UNC5C: variants seen among roughly 807,000 people sequenced by gnomAD.
The protein encoded by UNC5C is netrin receptor UNC5C.
In UNC5C, 47 loss-of-function variants were observed where a neutral mutation model predicts 99.8. The ratio of observed to expected loss-of-function variants is 0.47; its 90% confidence interval spans 0.37 to 0.60. The LOEUF (loss-of-function observed/expected upper bound fraction) is 0.60, where lower values mean the gene tolerates loss of function less well. Ranked by LOEUF, UNC5C falls within the 20% of genes least tolerant of loss-of-function variation. The probability of loss-of-function intolerance (pLI) is 0.00; values close to 1 mark genes in which losing one functional copy is unlikely to be tolerated. For synonymous variants in UNC5C, 487 were observed against 452.2 expected, an observed-to-expected ratio of 1.08 and a Z score of -0.98; for missense variants, 1,062 against 1,165.9, an observed-to-expected ratio of 0.91 and a Z score of 1.30.
At chr4:95,258,499 CTTG>C (rs1218635077) in intron 4 of UNC5C, among the ~76,000 whole-genome samples, 7 of 152,116 alleles carry the variant, frequency 4.6e-5, no homozygotes, top group African/African-American at 1.7e-4. Flanking sequence ...TAAACCATGA[CTTG>C]TTGTCATGGT....
intron 1 of UNC5C, among the ~76,000 whole-genome samples, chr4:95,352,161 A>T (rs1447182410): frequency 6.6e-6 from 1 of 152,152 alleles, no homozygotes; most frequent in Non-Finnish European, 1.5e-5. Context: ...GCACTGACCA[A>T]GTATGAAATC....
At chr4:95,478,729 T>C (rs915381631) in intron 1 of UNC5C, among the ~76,000 whole-genome samples, 2 of 152,050 alleles carry the variant, frequency 1.3e-5, no homozygotes, top group Non-Finnish European at 2.9e-5. Flanking sequence ...TATAGTTTAT[T>C]TGAACACTGA....
chr4:95,456,216 A>G (rs1747423311), intron 1 of UNC5C, among the ~76,000 whole-genome samples: 1 of 152,166 alleles, frequency 6.6e-6, no homozygotes, highest in Non-Finnish European at 1.5e-5. Flanking sequence ...AGAAAGTAAA[A>G]TAAAAAAATG....
At chr4:95,499,053 T>C (rs973636200) in intron 1 of UNC5C, among the ~76,000 whole-genome samples, 1 of 152,126 alleles carries the variant, frequency 6.6e-6, no homozygotes, top group Non-Finnish European at 1.5e-5. Context: ...ACAGGAGACC[T>C]GATGAAATGC....
intron 1 of UNC5C, among the ~76,000 whole-genome samples, chr4:95,435,199 A>C (rs554152052): frequency 1.6e-4 from 25 of 152,210 alleles, no homozygotes; most frequent in Non-Finnish European, 3.2e-4. Context: ...CTTTCAAGTA[A>C]GGTGTCACTT....
At chr4:95,171,742 G>A (rs370464740) in intron 14 of UNC5C, among the ~76,000 whole-genome samples, 1 of 151,420 alleles carries the variant, frequency 6.6e-6, no homozygotes. Context: ...ATAGTCCTTT[G>A]GGTATATACC....
chr4:95,405,294 C>A (rs186363690), intron 1 of UNC5C, among the ~76,000 whole-genome samples: 2 of 152,174 alleles, frequency 1.3e-5, no homozygotes, highest in Non-Finnish European at 2.9e-5. Flanking sequence ...TCTACATGTG[C>A]CCATCTGCAT....
chr4:95,302,070 T>C (rs1000611313), intron 2 of UNC5C, among the ~76,000 whole-genome samples: 1 of 152,214 alleles, frequency 6.6e-6, no homozygotes, highest in Non-Finnish European at 1.5e-5. Flanking sequence ...AATATAAACT[T>C]GAGTTTCACA....
At chr4:95,191,677 C>T (rs1480766292) in intron 12 of UNC5C, among the ~76,000 whole-genome samples, 2 of 150,916 alleles carry the variant, frequency 1.3e-5, no homozygotes, top group East Asian at 3.9e-4. Flanking sequence ...TCTGTTCACT[C>T]TCCTCCCCAA....
intron 3 of UNC5C, among the ~76,000 whole-genome samples, chr4:95,281,177 C>T (rs1245037027): frequency 6.6e-6 from 1 of 152,146 alleles, no homozygotes; most frequent in Non-Finnish European, 1.5e-5. Context: ...AACATAGTGA[C>T]TCACTCTGAT....
At chr4:95,262,891 C>G (rs139957907) in intron 4 of UNC5C, among the ~76,000 whole-genome samples, 2 of 151,934 alleles carry the variant, frequency 1.3e-5, no homozygotes, top group Non-Finnish European at 2.9e-5. Flanking sequence ...CTTGGCCCAC[C>G]GCAACCTCTG....
chr4:95,415,062 G>C (rs1746122438), intron 1 of UNC5C, among the ~76,000 whole-genome samples: 1 of 152,004 alleles, frequency 6.6e-6, no homozygotes. Context: ...CGCAGCCAAG[G>C]ATTTCTTTCT....
At chr4:95,360,890 G>A (rs1744369252) in intron 1 of UNC5C, among the ~76,000 whole-genome samples, 1 of 152,210 alleles carries the variant, frequency 6.6e-6, no homozygotes, top group Non-Finnish European at 1.5e-5. Context: ...GTTTTCTCAT[G>A]TTAAGGAGGC....
intron 4 of UNC5C, among the ~76,000 whole-genome samples, chr4:95,258,746 C>CTTTTTTTCTTTTTTTTTTTT (rs1740103368): frequency 1.3e-5 from 1 of 76,054 alleles, no homozygotes; most frequent in African/African-American, 4.3e-5. Flanking sequence ...CCATCTTATT[C>CTTTTTTTCTTTTTTTTTTTT]TTTTTTTTTT....
At chr4:95,488,705 T>G (rs2149480575) in intron 1 of UNC5C, among the ~76,000 whole-genome samples, 1 of 151,886 alleles carries the variant, frequency 6.6e-6, no homozygotes, top group South Asian at 2.1e-4. Context: ...CCAAAAGCTT[T>G]ATGTTAACTG....
intron 1 of UNC5C, among the ~76,000 whole-genome samples, chr4:95,520,331 C>G (rs894524529): frequency 1.4e-4 from 21 of 152,194 alleles, no homozygotes; most frequent in African/African-American, 4.8e-4. Flanking sequence ...GAGTAAAATT[C>G]AACACTTAAA....
intron 1 of UNC5C, among the ~76,000 whole-genome samples, chr4:95,531,745 A>G (rs1560496352): frequency 6.6e-6 from 1 of 152,150 alleles, no homozygotes; most frequent in Admixed American, 6.5e-5. Context: ...TTACTACTCT[A>G]CCCCTGTTCC....
chr4:95,444,552 C>G (rs1328107773), intron 1 of UNC5C, among the ~76,000 whole-genome samples: 1 of 152,050 alleles, frequency 6.6e-6, no homozygotes, highest in Non-Finnish European at 1.5e-5. Flanking sequence ...AGGATGGTCT[C>G]GATCTCCTGA....
chr4:95,427,352 T>C (rs1052090744), intron 1 of UNC5C, among the ~76,000 whole-genome samples: 3 of 152,312 alleles, frequency 2.0e-5, no homozygotes, highest in African/African-American at 4.8e-5. Flanking sequence ...TATGAGAGGA[T>C]TGACTCCAAT....
Sources: gnomAD v4.1 joint callset for allele counts (sites outside exome capture counted in the v4.1 genomes callset) on GRCh38, gnomAD v4.1.1 for gene constraint, MANE v1.5 for transcripts, NCBI Gene and HGNC (gene_info 2026-07-23, HGNC 2026-07-21) for gene names.